Variants in DPP6 observed in about 807,000 individuals in gnomAD.
DPP6 encodes the protein dipeptidyl peptidase like 6, also known as A-type potassium channel modulatory protein DPP6.
In DPP6, 69 loss-of-function variants were observed where a neutral mutation model predicts 122.6. The observed-to-expected ratio is 0.56, with a 90% confidence interval of 0.46 to 0.69. DPP6 has a LOEUF of 0.69. DPP6 is among the 30% of genes least tolerant of loss of function. The pLI is 0.00. For missense variants in DPP6, 928 were observed against 1,116.9 expected (o/e 0.83, Z 2.41); for synonymous variants, 418 against 433.1 (o/e 0.97, Z 0.43).
chr7:154,599,494 TTTATTATTATTA>T (rs144958836), intron 5 of DPP6, among the ~76,000 whole-genome samples: 1 of 149,146 alleles, frequency 6.7e-6, no homozygotes, highest in East Asian at 2.0e-4. Context: ...TGGACTTCTT[TTTATTATTATTA>T]TTATTATTAT....
chr7:154,103,638 G>T (rs1312027291), intron 1 of DPP6, among the ~76,000 whole-genome samples: 3 of 152,266 alleles, frequency 2.0e-5, no homozygotes, highest in Non-Finnish European at 4.4e-5. Flanking sequence ...TGAGTCAGTG[G>T]ACTGGGAGAG....
At chr7:154,126,945 A>G (rs1447314305) in intron 1 of DPP6, among the ~76,000 whole-genome samples, 1 of 151,998 alleles carries the variant, frequency 6.6e-6, no homozygotes, top group South Asian at 2.1e-4. Flanking sequence ...CCACCATAAC[A>G]CTTTTTTCAA....
the DPP6 span, among the ~76,000 whole-genome samples, chr7:153,763,485 T>C: frequency 1.3e-5 from 2 of 151,774 alleles, no homozygotes; most frequent in African/African-American, 4.8e-5. Flanking sequence ...TCACCAGAAC[T>C]GAATTTGTCA....
chr7:154,331,407 G>T (rs1808928376), intron 1 of DPP6, among the ~76,000 whole-genome samples: 1 of 152,204 alleles, frequency 6.6e-6, no homozygotes, highest in South Asian at 2.1e-4. Context: ...AATAGACGGG[G>T]GGATAACTGG....
At chr7:154,420,955 A>G (rs2151227034) in intron 1 of DPP6, among the ~76,000 whole-genome samples, 1 of 152,324 alleles carries the variant, frequency 6.6e-6, no homozygotes, top group Admixed American at 6.5e-5. Flanking sequence ...AGATGATCTT[A>G]TATGAAGTGT....
At chr7:154,730,710 A>C (rs1179076183) in intron 8 of DPP6, among the ~76,000 whole-genome samples, 2 of 152,210 alleles carry the variant, frequency 1.3e-5, no homozygotes, top group African/African-American at 4.8e-5. Flanking sequence ...GCAAATAATA[A>C]TGAACCCAAG....
intron 1 of DPP6, among the ~76,000 whole-genome samples, chr7:154,133,713 T>C (rs1317246178): frequency 6.6e-6 from 1 of 151,928 alleles, no homozygotes; most frequent in East Asian, 1.9e-4. Context: ...AGTTCCCCAC[T>C]GTATCTGGGA....
chr7:154,486,192 G>A lies in DPP6; in HGVS notation c.457+11155G>A, dbSNP rs919680402. On this transcript the variant is annotated intron_variant, in intron 3 of 25. Coordinates refer to ENST00000377770, the MANE Select transcript of DPP6 (RefSeq NM_130797.4). This position sits in a 1 kb window ranked among gnomAD's most constrained non-coding sequence, Gnocchi z 4.5. ...TCTATCGCCCAGGCTGGAGTGCAGT[G>A]GCACGATCTCAGCTCACTGCAACCT... 2.0e-5 allele frequency among the ~76,000 whole-genome samples: 3 copies of A among 151,186 alleles called. No individual in the cohort carries two copies. Among genetic ancestry groups the A allele is most frequent in the Non-Finnish European group, 4.4e-5 (3 of 67,904 alleles).
Position 154,881,828 on chromosome 7 carries a change from C to T in DPP6, c.2133+886C>T, listed in dbSNP as rs368716824. Among the ~76,000 whole-genome samples, 47 of 152,288 alleles carry T rather than the reference C, an allele frequency of 3.1e-4. 1 individual carries two copies. In the East Asian group the frequency reaches 6.8e-3, roughly 22 times the overall value. ...GAGGTGAAGTGGTCAGGAGGAGGGC[C>T]GGCGGCTTCTCTCCTTGTTCAGAGC... On this transcript the variant is annotated intron_variant, in intron 21 of 25. Coordinates refer to ENST00000377770, the MANE Select transcript of DPP6 (RefSeq NM_130797.4).
chr7:154,033,233 A>G (rs1799349380), intron 1 of DPP6, among the ~76,000 whole-genome samples: 1 of 152,234 alleles, frequency 6.6e-6, no homozygotes, highest in African/African-American at 2.4e-5. Context: ...TGGATGGGTT[A>G]CTATATCCTT....
chr7:153,999,202 A>G (rs1391668889), intron 1 of DPP6, among the ~76,000 whole-genome samples: 1 of 152,212 alleles, frequency 6.6e-6, no homozygotes, highest in East Asian at 1.9e-4. Flanking sequence ...AGCAGTATCA[A>G]TGCTTCTGAG....
intron 1 of DPP6, among the ~76,000 whole-genome samples, chr7:154,235,666 G>C (rs116727194): frequency 0.014 from 2,126 of 152,156 alleles, 35 homozygotes; most frequent in African/African-American, 0.049. Flanking sequence ...CCAGTTTGCT[G>C]TTCCAAAAGC....
intron 1 of DPP6, among the ~76,000 whole-genome samples, chr7:154,060,668 T>A (rs1463451842): frequency 1.4e-5 from 2 of 139,064 alleles, no homozygotes; most frequent in Non-Finnish European, 3.1e-5. Context: ...GAGTGGCGAC[T>A]GAGAGCTATC....
intron 1 of DPP6, among the ~76,000 whole-genome samples, chr7:154,331,806 A>G (rs1341073027): frequency 6.6e-6 from 1 of 152,184 alleles, no homozygotes; most frequent in Non-Finnish European, 1.5e-5. Context: ...CCACTTTTTC[A>G]GGGTCGTAAA....
the DPP6 span, among the ~76,000 whole-genome samples, chr7:153,832,443 G>A: frequency 6.6e-6 from 1 of 152,202 alleles, no homozygotes; most frequent in Non-Finnish European, 1.5e-5. Flanking sequence ...CTGTTGAACT[G>A]AGTCTGATGA....
intron 1 of DPP6, among the ~76,000 whole-genome samples, chr7:153,925,205 C>T (rs1800831349): frequency 6.6e-6 from 1 of 152,152 alleles, no homozygotes; most frequent in African/African-American, 2.4e-5. Flanking sequence ...GAAGGGAGAC[C>T]ATCCGCATAG....
intron 8 of DPP6, among the ~76,000 whole-genome samples, chr7:154,741,644 A>G (rs1308566383): frequency 1.3e-5 from 2 of 152,266 alleles, no homozygotes; most frequent in Non-Finnish European, 2.9e-5. Context: ...GAGCCCAGCT[A>G]GGATACTTCC....
intron 1 of DPP6, among the ~76,000 whole-genome samples, chr7:154,071,156 A>G (rs1411468686): frequency 6.6e-6 from 1 of 152,196 alleles, no homozygotes; most frequent in African/African-American, 2.4e-5. Context: ...CTAATGAGTT[A>G]TTCATACTGG....
chr7:154,548,392 C>T (rs984019723), intron 4 of DPP6, among the ~76,000 whole-genome samples: 1 of 151,044 alleles, frequency 6.6e-6, no homozygotes, highest in African/African-American at 2.4e-5. Flanking sequence ...GGTGACACCC[C>T]ATCTCTATGC....
Sources: gnomAD v4.1 joint callset for allele counts (sites outside exome capture counted in the v4.1 genomes callset) on GRCh38, gnomAD v4.1.1 for gene constraint, Gnocchi (gnomAD v3.1) non-coding constraint, MANE v1.5 for transcripts, NCBI Gene and HGNC (gene_info 2026-07-23, HGNC 2026-07-21) for gene names.